Variants in MCTP2 observed in about 807,000 individuals in gnomAD.
MCTP2 encodes the protein multiple C2 and transmembrane domain containing 2, also known as multiple C2 and transmembrane domain-containing protein 2.
Under a neutral mutation model 111.6 loss-of-function variants are expected in MCTP2, and 132 were observed. The ratio of observed to expected loss-of-function variants is 1.18; its 90% CI spans 1.03 to 1.37. MCTP2 has a LOEUF of 1.37. Ranked by LOEUF, MCTP2 falls within the 40% of genes most tolerant of loss-of-function variation. The pLI is 0.00. For synonymous variants in MCTP2, 395 were observed against 387.7 expected (o/e 1.02, Z -0.22); for missense variants, 1,183 against 1,067.9 (o/e 1.11, Z -1.50).
At chr15:94,323,570 G>T (rs2076719672) in intron 4 of MCTP2, among the ~76,000 whole-genome samples, 1 of 152,146 alleles carries the variant, frequency 6.6e-6, no homozygotes, top group African/African-American at 2.4e-5. Context: ...CTTCAGCCTT[G>T]ACAATAGGAG....
At chr15:94,301,833 C>CT (rs59217006) in intron 2 of MCTP2, among the ~76,000 whole-genome samples, 7,935 of 129,140 alleles carry the variant, frequency 0.061, 610 homozygotes, top group African/African-American at 0.19. Context: ...ATCATTTCTG[C>CT]TTTTTTTTTT....
At chr15:94,332,797 A>C (rs555226179) in intron 4 of MCTP2, among the ~76,000 whole-genome samples, 27 of 152,352 alleles carry the variant, frequency 1.8e-4, no homozygotes, top group Admixed American at 5.9e-4. Flanking sequence ...TCCTACAAAT[A>C]ATGCTTTTGT....
intron 1 of MCTP2, among the ~76,000 whole-genome samples, chr15:94,238,363 AAATG>A (rs2152215240): frequency 6.6e-6 from 1 of 152,280 alleles, no homozygotes; most frequent in Admixed American, 6.5e-5. Flanking sequence ...TATGAATCAT[AAATG>A]AATCATATCA....
intron 1 of MCTP2, among the ~76,000 whole-genome samples, chr15:94,239,008 G>GAAAAAA (rs539868505): frequency 1.0e-5 from 1 of 99,746 alleles, no homozygotes; most frequent in Non-Finnish European, 2.1e-5. Context: ...AGTTGACCGT[G>GAAAAAA]AAAAAAAAAA....
Position 94,298,601 on chromosome 15 carries a change from C to G in MCTP2, c.336C>G (p.His112Gln), listed in dbSNP as rs894894749. 1 of 1,614,106 alleles carries G rather than the reference C, an allele frequency of 6.2e-7. No homozygotes were observed. Among genetic ancestry groups the G allele is most frequent in the Non-Finnish European group, 8.5e-7 (1 of 1,180,004 alleles). Residue 112 changes from histidine to glutamine, a missense_variant, in exon 2 of 23, where the codon CAC (histidine) becomes CAG (glutamine). Physicochemically the swap from His to Gln is conservative, Grantham distance 24. Coordinates refer to ENST00000357742, the MANE Select transcript of MCTP2 (RefSeq NM_001385001.1). ...ATTGGAGCCAGGAAGAAGCCAGTCA[C>G]CTCCATGTGGTGGAAACAGACTCAG... ...ELDWSQEEASHLHVVETDSEE... is the reference protein window; with the variant it reads ...ELDWSQEEASQLHVVETDSEE...
Position 94,399,033 on chromosome 15 carries a change from T to C in MCTP2, c.1861T>C (p.Tyr621His), listed in dbSNP as rs769270194. 19 of 1,535,402 alleles carry C rather than the reference T, an allele frequency of 1.2e-5. No individual in the cohort carries two copies. The highest frequency in any genetic ancestry group is 1.7e-5 in the Non-Finnish European group (19 of 1,108,722). The change falls in exon 15 of 23, where the codon TAC becomes CAC. Residue 621 changes from tyrosine to histidine, a missense_variant. Coordinates refer to ENST00000357742, the MANE Select transcript of MCTP2 (RefSeq NM_001385001.1). ...DLEQAFKGVI[Y>H]LEMDLIYNPV... ...AGAACAAGCTTTTAAAGGAGTTATT[T>C]ACTTAGAGATGGACCTTATATATAA...
At chr15:94,391,876 A>T (rs564229123) in intron 14 of MCTP2, among the ~76,000 whole-genome samples, 75 of 152,270 alleles carry the variant, frequency 4.9e-4, no homozygotes, top group African/African-American at 1.5e-3. Flanking sequence ...GTAGATGTTA[A>T]ATCAGTTCAA....
At chr15:94,244,163 C>A (rs973444670) in intron 1 of MCTP2, among the ~76,000 whole-genome samples, 1 of 144,580 alleles carries the variant, frequency 6.9e-6, no homozygotes, top group African/African-American at 2.6e-5. Context: ...TTTATATACA[C>A]GTGTATACAC....
chr15:94,276,053 C>T (rs925445258), intron 1 of MCTP2, among the ~76,000 whole-genome samples: 3 of 151,878 alleles, frequency 2.0e-5, no homozygotes, highest in Admixed American at 6.6e-5. Flanking sequence ...ACCGTGTTAG[C>T]CAGGATGGTC....
chr15:94,418,327 T>G (rs1377312004), intron 17 of MCTP2, among the ~76,000 whole-genome samples: 2 of 152,142 alleles, frequency 1.3e-5, no homozygotes, highest in Admixed American at 1.3e-4. Flanking sequence ...TTAATGGAAT[T>G]TTGTTCTTGA....
chr15:94,247,250 T>C (rs1365376913), intron 1 of MCTP2, among the ~76,000 whole-genome samples: 1 of 152,154 alleles, frequency 6.6e-6, no homozygotes, highest in African/African-American at 2.4e-5. Context: ...TGGATGCACA[T>C]CAGTCAGCTC....
chr15:94,464,219 T>C (rs2085381658), intron 20 of MCTP2, among the ~76,000 whole-genome samples: 1 of 119,614 alleles, frequency 8.4e-6, no homozygotes, highest in Admixed American at 9.6e-5. Context: ...TTGCATGAAA[T>C]ATTATATGTT....
intron 1 of MCTP2, among the ~76,000 whole-genome samples, chr15:94,261,790 GGCTGATGTTTAT>G (rs1307116163): frequency 6.6e-6 from 1 of 152,114 alleles, no homozygotes; most frequent in Non-Finnish European, 1.5e-5. Context: ...ACCCCTGCTT[GGCTGATGTTTAT>G]GCTGATTCAG....
intron 19 of MCTP2, among the ~76,000 whole-genome samples, chr15:94,456,374 C>T (rs77201997): frequency 0.015 from 2,233 of 152,292 alleles, 61 homozygotes; most frequent in African/African-American, 0.051. Context: ...AATCGAATGA[C>T]ATGGAAACTT....
chr15:94,412,341 ATAGT>A (rs2082190590), intron 17 of MCTP2, among the ~76,000 whole-genome samples: 1 of 151,870 alleles, frequency 6.6e-6, no homozygotes. Context: ...TTGAGTAAAA[ATAGT>A]TTGTGAGTCT....
At chr15:94,421,971 G>T (rs553898588) in intron 17 of MCTP2, among the ~76,000 whole-genome samples, 1 of 152,282 alleles carries the variant, frequency 6.6e-6, no homozygotes, top group Admixed American at 6.5e-5. Flanking sequence ...CTGGTTTCTT[G>T]CATACAAAGT....
At chr15:94,372,312 T>A (rs76273088) in intron 12 of MCTP2, among the ~76,000 whole-genome samples, 3,046 of 152,294 alleles carry the variant, frequency 0.02, 101 homozygotes, top group African/African-American at 0.069. Flanking sequence ...ATGGTCTTCG[T>A]TTTTAGAACT....
At chr15:94,471,132 G>T (rs1463821002) in intron 21 of MCTP2, among the ~76,000 whole-genome samples, 1 of 152,188 alleles carries the variant, frequency 6.6e-6, no homozygotes, top group Non-Finnish European at 1.5e-5. Flanking sequence ...ATTAGTGTCT[G>T]TTCCTGGGTG....
rs2074610187 is a variant in MCTP2 at position 94,479,313 on chromosome 15, C to T, written c.*279C>T. On this transcript the variant is annotated 3_prime_UTR_variant, in exon 23 of 23. Coordinates refer to ENST00000357742, the MANE Select transcript of MCTP2 (RefSeq NM_001385001.1). ...CATTCTGAAATAGGAGATAACAAGG[C>T]TGCCATGGATCTGAACACCACCTTC... 1 of 467,338 alleles carries T rather than the reference C, an allele frequency of 2.1e-6. No homozygotes were observed. The highest frequency in any genetic ancestry group is 3.9e-6 in the Non-Finnish European group (1 of 257,614). 28.9% of individuals were successfully genotyped at this position (467,338 alleles called of 1,614,324 possible).
Sources: gnomAD v4.1 joint callset for allele counts (sites outside exome capture counted in the v4.1 genomes callset) on GRCh38, gnomAD v4.1.1 for gene constraint, MANE v1.5 for transcripts, NCBI Gene and HGNC (gene_info 2026-07-23, HGNC 2026-07-21) for gene names.